Variants in SCOC observed in about 807,000 individuals in gnomAD.
The protein encoded by SCOC is short coiled coil protein.
SCOC carries 7 observed loss-of-function variants against 9.9 expected under a neutral mutation model. The observed-to-expected ratio is 0.71, with a 90% CI of 0.40 to 1.33. The LOEUF (loss-of-function observed/expected upper bound fraction) is 1.33. Ranked by LOEUF, SCOC falls within the 40% of genes most tolerant of loss-of-function variation. SCOC has a pLI of 0.01. For synonymous variants in SCOC, 19 were observed against 28.2 expected (o/e 0.67, Z 1.03); for missense variants, 66 against 89.7 (o/e 0.74, Z 1.07).
intron 2 of SCOC, chr4:140,366,901 T>C: frequency 1.5e-6 from 1 of 654,950 alleles, no homozygotes; most frequent in Non-Finnish European, 2.7e-6. Flanking sequence ...CCAGGTGCAT[T>C]CTTTTATAAA....
intron 1 of SCOC, among the ~76,000 whole-genome samples, chr4:140,263,910 C>G (rs991895561): frequency 6.6e-5 from 10 of 152,136 alleles, no homozygotes; most frequent in African/African-American, 2.4e-4. Context: ...GTCTGGAGGT[C>G]TTTTTCATCT....
At chr4:140,276,784 A>C (rs539429212) in intron 1 of SCOC, among the ~76,000 whole-genome samples, 1 of 152,216 alleles carries the variant, frequency 6.6e-6, no homozygotes, top group East Asian at 1.9e-4. Flanking sequence ...GCAAAAAAAA[A>C]ACCATGTCTG....
chr4:140,346,063 G>T (rs1027197007), intron 2 of SCOC, among the ~76,000 whole-genome samples: 1 of 152,116 alleles, frequency 6.6e-6, no homozygotes, highest in African/African-American at 2.4e-5. Flanking sequence ...GGAAGTGATA[G>T]AGCCAAAGTC....
chr4:140,355,961 A>C (rs1463872143), intron 2 of SCOC, among the ~76,000 whole-genome samples: 2 of 152,248 alleles, frequency 1.3e-5, no homozygotes, highest in Non-Finnish European at 2.9e-5. Flanking sequence ...TATTAATCCT[A>C]ACATGGGTGA....
chr4:140,351,259 C>T (rs950247196), intron 2 of SCOC, among the ~76,000 whole-genome samples: 3 of 151,882 alleles, frequency 2.0e-5, no homozygotes, highest in African/African-American at 7.3e-5. Flanking sequence ...ACGACAGTGT[C>T]CTGTGGACAT....
upstream of SCOC, among the ~76,000 whole-genome samples, chr4:140,370,476 G>T (rs1203121335): frequency 2.0e-5 from 3 of 152,142 alleles, no homozygotes; most frequent in Non-Finnish European, 4.4e-5. Context: ...ACTAATGCCT[G>T]TATCTCACTC....
chr4:140,285,026 T>G, intron 1 of SCOC: 1 of 346,052 alleles, frequency 2.9e-6, no homozygotes, highest in Non-Finnish European at 5.8e-6. Flanking sequence ...TCTTGCACTT[T>G]CACTGTGTGC....
At chr4:140,268,635 ATGT>A (rs1730779586) in intron 1 of SCOC, among the ~76,000 whole-genome samples, 1 of 152,190 alleles carries the variant, frequency 6.6e-6, no homozygotes, top group Non-Finnish European at 1.5e-5. Context: ...TCCTGCTGAC[ATGT>A]TGTGCTGGTC....
intron 1 of SCOC, among the ~76,000 whole-genome samples, chr4:140,301,674 C>A (rs149595190): frequency 6.6e-6 from 1 of 152,262 alleles, no homozygotes; most frequent in African/African-American, 2.4e-5. Context: ...AGACGAGAGT[C>A]TGGGTCTCAG....
rs937773993 is a variant in SCOC, at chr4:140,385,323, A to C, written c.*4219A>C. On this transcript the variant is annotated 3_prime_UTR_variant, in exon 4 of 4. Coordinates refer to ENST00000608372, the MANE Select transcript of SCOC (RefSeq NM_001153484.2). ...TGGGGCAACACCTATAATCAAGTAT[A>C]TTAACATTTCTGTAGCAAAATGAGT... is the stretch of plus-strand genomic sequence containing the variant. 4 of 152,252 alleles carry C rather than the reference A, an allele frequency of 2.6e-5. No homozygotes were observed. Among genetic ancestry groups the C allele is most frequent in the African/African-American group, 7.2e-5 (3 of 41,470 alleles). The allele number at this position is 152,252 out of a possible 1,614,324, so 9.4% of individuals were successfully genotyped here. A position where few individuals can be genotyped will look rare whatever the true frequency, so the allele number is the denominator to read the frequency against.
intron 2 of SCOC, among the ~76,000 whole-genome samples, chr4:140,355,863 G>A (rs1298482563): frequency 6.6e-6 from 1 of 152,076 alleles, no homozygotes; most frequent in Non-Finnish European, 1.5e-5. Flanking sequence ...GGGATTACAG[G>A]TTATTAGATT....
At position 140,384,653 on chromosome 4, in the gene SCOC, CAT is replaced by C. The variant is rs1251219471; in HGVS notation, c.*3553_*3554del. On this transcript the variant is annotated 3_prime_UTR_variant, in exon 4 of 4. Coordinates refer to ENST00000608372, the MANE Select transcript of SCOC (RefSeq NM_001153484.2). ...TTCCCTTATTGGGTGATGGTCTTAA[CAT>C]ATACAGTCCTGAGTAAAGTCTTCTT... The C allele has an allele frequency of 1.4e-4, 21 of 152,220 alleles. No individual in the cohort carries two copies. Among genetic ancestry groups the C allele is most frequent in the Non-Finnish European group, 1.5e-4 (10 of 68,056 alleles). The allele number at this position is 152,220 out of a possible 1,614,324, so 9.4% of individuals were successfully genotyped here. A position where few individuals can be genotyped will look rare whatever the true frequency, so the allele number is the denominator to read the frequency against.
chr4:140,299,160 G>T (rs758351312), intron 1 of SCOC, among the ~76,000 whole-genome samples: 23 of 152,096 alleles, frequency 1.5e-4, no homozygotes, highest in Admixed American at 3.3e-4. Context: ...TAGTAGGTGC[G>T]TATATTTATG....
At chr4:140,313,310 A>T (rs113302508) in intron 1 of SCOC, among the ~76,000 whole-genome samples, 12,662 of 152,172 alleles carry the variant, frequency 0.083, 607 homozygotes, top group African/African-American at 0.14. Flanking sequence ...CAATGGCGCG[A>T]TCTAGCTCAC....
chr4:140,271,675 A>C (rs1311252560), intron 1 of SCOC, among the ~76,000 whole-genome samples: 3 of 152,198 alleles, frequency 2.0e-5, no homozygotes, highest in Admixed American at 6.5e-5. Flanking sequence ...AGATGTTTCC[A>C]TGTGGACTAA....
chr4:140,327,246 TG>T (rs951846844), intron 1 of SCOC, among the ~76,000 whole-genome samples: 2 of 152,196 alleles, frequency 1.3e-5, no homozygotes, highest in Non-Finnish European at 2.9e-5. Flanking sequence ...GCGAGGACTC[TG>T]TGATTATGTG....
At chr4:140,295,941 AAAAAAAG>A (rs1294124719) in intron 1 of SCOC, among the ~76,000 whole-genome samples, 1 of 150,678 alleles carries the variant, frequency 6.6e-6, no homozygotes, top group African/African-American at 2.5e-5. Flanking sequence ...AAAAAAAAAA[AAAAAAAG>A]AAAGAAAGAA....
chr4:140,336,906 T>A (rs1732972844), intron 1 of SCOC, among the ~76,000 whole-genome samples: 1 of 152,240 alleles, frequency 6.6e-6, no homozygotes, highest in Non-Finnish European at 1.5e-5. Flanking sequence ...CATTTTGTTT[T>A]GTTTTCATTT....
At chr4:140,359,297 TG>T (rs1727363372) in intron 2 of SCOC, among the ~76,000 whole-genome samples, 1 of 152,042 alleles carries the variant, frequency 6.6e-6, no homozygotes, top group Non-Finnish European at 1.5e-5. Flanking sequence ...GGCTGCTGGC[TG>T]GGAGCTGAGC....
Sources: gnomAD v4.1 joint callset for allele counts (sites outside exome capture counted in the v4.1 genomes callset) on GRCh38, gnomAD v4.1.1 for gene constraint, MANE v1.5 for transcripts, NCBI Gene and HGNC (gene_info 2026-07-23, HGNC 2026-07-21) for gene names.